The following SKIC3 variants were observed in gnomAD, a reference collection of about 807,000 sequenced individuals.
The protein encoded by SKIC3 is SKI3 subunit of superkiller complex.
the SKIC3 span, among the ~76,000 whole-genome samples, chr5:95,538,114 G>A: frequency 5.9e-5 from 9 of 152,012 alleles, no homozygotes; most frequent in South Asian, 2.1e-4. Context: ...GTTAGAAATC[G>A]ATTCTTAAAA....
the SKIC3 span, chr5:95,547,267 T>C: frequency 7.4e-6 from 6 of 808,950 alleles, no homozygotes; most frequent in Admixed American, 1.2e-4. Flanking sequence ...TCCTTCTCTC[T>C]GGAACAGTCT....
chr5:95,498,595 T>C, the SKIC3 span: 2 of 1,611,278 alleles, frequency 1.2e-6, no homozygotes, highest in Non-Finnish European at 1.7e-6. Flanking sequence ...GATAGAGCTG[T>C]AAAGATATTT....
chr5:95,516,436 A>C, the SKIC3 span: 1 of 1,612,688 alleles, frequency 6.2e-7, no homozygotes, highest in African/African-American at 1.3e-5. Flanking sequence ...TTTTTTTCTT[A>C]AAATAGGCCC....
the SKIC3 span, among the ~76,000 whole-genome samples, chr5:95,485,470 T>G: frequency 4.6e-5 from 7 of 152,358 alleles, no homozygotes; most frequent in South Asian, 4.1e-4. Context: ...AATCTTGCAT[T>G]CCTGGGATAA....
chr5:95,534,558 C>A, the SKIC3 span, among the ~76,000 whole-genome samples: 2 of 152,164 alleles, frequency 1.3e-5, no homozygotes, highest in Non-Finnish European at 2.9e-5. Context: ...AAAAGCCTCA[C>A]AATCATAAAC....
the SKIC3 span, among the ~76,000 whole-genome samples, chr5:95,501,689 A>C: frequency 6.6e-6 from 1 of 152,060 alleles, no homozygotes; most frequent in Non-Finnish European, 1.5e-5. Flanking sequence ...AGGGGAAAAA[A>C]AGAAAAAAAA....
At chr5:95,498,359 AC>A in the SKIC3 span, 1 of 1,613,904 alleles carries the variant, frequency 6.2e-7, no homozygotes, top group Non-Finnish European at 8.5e-7. Flanking sequence ...GTTCACAAAT[AC>A]AGAATTTACC....
chr5:95,469,840 A>T, the SKIC3 span: 3 of 1,614,202 alleles, frequency 1.9e-6, no homozygotes, highest in Admixed American at 3.3e-5. Flanking sequence ...CAGTGGACAA[A>T]AGCAAAGCTT....
the SKIC3 span, among the ~76,000 whole-genome samples, chr5:95,519,578 C>G: frequency 6.6e-6 from 1 of 151,838 alleles, no homozygotes; most frequent in Admixed American, 6.6e-5. Context: ...AAAAGTGAAA[C>G]AGGCGATTTT....
the SKIC3 span, among the ~76,000 whole-genome samples, chr5:95,526,006 A>T: frequency 2.0e-5 from 3 of 152,124 alleles, no homozygotes; most frequent in Admixed American, 6.6e-5. Flanking sequence ...TTTGACACAA[A>T]TCCCAGATAT....
At chr5:95,520,237 A>G in the SKIC3 span, among the ~76,000 whole-genome samples, 2 of 151,734 alleles carry the variant, frequency 1.3e-5, no homozygotes, top group Non-Finnish European at 2.9e-5. Context: ...TAGACACATC[A>G]CTTTTTTCCT....
the SKIC3 span, among the ~76,000 whole-genome samples, chr5:95,474,177 A>T: frequency 6.6e-6 from 1 of 152,144 alleles, no homozygotes; most frequent in African/African-American, 2.4e-5. Flanking sequence ...TCCTTTCTCC[A>T]TTGCTTATTT....
At chr5:95,463,956 T>C in the SKIC3 span, 9 of 152,248 alleles carry the variant, frequency 5.9e-5, no homozygotes, top group African/African-American at 2.2e-4. Flanking sequence ...AGGAATTGCA[T>C]GATCAATTAA....
chr5:95,470,553 T>C, the SKIC3 span, among the ~76,000 whole-genome samples: 1 of 152,178 alleles, frequency 6.6e-6, no homozygotes, highest in Non-Finnish European at 1.5e-5. Flanking sequence ...CATAATTGAT[T>C]CTTTAACTGG....
chr5:95,506,937 A>G, the SKIC3 span: 6 of 1,613,466 alleles, frequency 3.7e-6, no homozygotes, highest in Non-Finnish European at 5.1e-6. Flanking sequence ...CGCTTACCAT[A>G]ACAATCTGCC....
At chr5:95,549,863 G>A in the SKIC3 span, among the ~76,000 whole-genome samples, 46 of 151,698 alleles carry the variant, frequency 3.0e-4, no homozygotes, top group Admixed American at 9.8e-4. Context: ...TTTTCCTTCC[G>A]AGGGTAAAAA....
the SKIC3 span, chr5:95,478,582 ATT>A: frequency 1.7e-6 from 2 of 1,170,254 alleles, no homozygotes; most frequent in Admixed American, 2.0e-5. Context: ...CCAAAAAACA[ATT>A]ACAGGTCAAA....
chr5:95,552,111 G>C, the SKIC3 span, among the ~76,000 whole-genome samples: 1,191 of 152,148 alleles, frequency 7.8e-3, 17 homozygotes, highest in African/African-American at 0.027. Flanking sequence ...TTTACGATGG[G>C]CTTATCAGCA....
the SKIC3 span, chr5:95,525,567 G>C: frequency 6.2e-7 from 1 of 1,613,916 alleles, no homozygotes; most frequent in Non-Finnish European, 8.5e-7. Flanking sequence ...AAAATGCTCA[G>C]TTTGAATAAA....
Sources: allele counts gnomAD v4.1 joint callset (sites outside exome capture counted in the v4.1 genomes callset), GRCh38; gene constraint gnomAD v4.1.1; transcripts MANE v1.5; gene names NCBI Gene and HGNC (gene_info 2026-07-23, HGNC 2026-07-21).